Variants in HADHA observed in about 807,000 individuals in gnomAD.
HADHA encodes the protein hydroxyacyl-CoA dehydrogenase trifunctional multienzyme complex subunit alpha.
A neutral mutation model predicts 91.3 loss-of-function variants in HADHA; 59 were observed. That is an observed-to-expected ratio of 0.65 (90% CI 0.52 to 0.80). HADHA has a LOEUF of 0.80. Ranked by LOEUF, HADHA falls within the 30% of genes least tolerant of loss-of-function variation. The pLI is 0.00. For synonymous variants in HADHA, 320 were observed against 338.9 expected (o/e 0.94, Z 0.61); for missense variants, 800 against 927.6 (o/e 0.86, Z 1.79).
At chr2:26,223,224 G>A (rs1433187573) in intron 7 of HADHA, among the ~76,000 whole-genome samples, 6 of 152,174 alleles carry the variant, frequency 3.9e-5, no homozygotes, top group East Asian at 1.9e-4. Flanking sequence ...AGCAGAGGGC[G>A]GGTACTGTAC....
Position 26,215,153 on chromosome 2 carries a change from C to CTCTGGAGGTTT in HADHA, c.688_698dup (p.Glu234AsnfsTer8). The CTCTGGAGGTTT allele has an allele frequency of 6.2e-7, 1 of 1,611,952 alleles. No homozygotes were observed. Among genetic ancestry groups the CTCTGGAGGTTT allele is most frequent in the Non-Finnish European group, 8.5e-7 (1 of 1,178,076 alleles). On this transcript the variant is annotated frameshift_variant, in exon 8 of 20. Transcript: ENST00000380649. LOFTEE classifies it high-confidence loss of function. Reference sequence around the variant, plus strand: ...CTTCTAGGTATTCTATTGTCCGTTCCTCTGGAGGTTTTAGTCCTGGTCCTA... The same window carrying CTCTGGAGGTTT: ...CTTCTAGGTATTCTATTGTCCGTTCCTCTGGAGGTTTTCTGGAGGTTTTAGTCCTGGTCCTA...
At chr2:26,195,004 C>T (rs1669624314) in intron 15 of HADHA, 88 bp downstream of exon 15, 10 of 1,136,548 alleles carry the variant, frequency 8.8e-6, no homozygotes, top group Non-Finnish European at 1.3e-5. Flanking sequence ...GTCATTTGCC[C>T]CAGAATATTT....
intron 15 of HADHA, 113 bp from the exon 16 acceptor site, chr2:26,194,751 A>AGGTGACTT: frequency 1.3e-6 from 1 of 777,916 alleles, no homozygotes; most frequent in Non-Finnish European, 2.3e-6. Context: ...GTAAAACTTA[A>AGGTGACTT]GGTGACTTAA....
chr2:26,204,889 C>G (rs1223025625), intron 11 of HADHA, among the ~76,000 whole-genome samples: 3 of 149,892 alleles, frequency 2.0e-5, no homozygotes, highest in Admixed American at 6.6e-5. Flanking sequence ...TGTAATCTTT[C>G]ATTTCCCCCA....
At chr2:26,225,722 A>C (rs936521183) in intron 7 of HADHA, among the ~76,000 whole-genome samples, 2 of 152,216 alleles carry the variant, frequency 1.3e-5, no homozygotes, top group South Asian at 2.1e-4. Flanking sequence ...TAAAGAGCAC[A>C]TATGAAAAAC....
intron 7 of HADHA, among the ~76,000 whole-genome samples, chr2:26,216,576 C>T (rs920523956): frequency 6.6e-6 from 1 of 152,114 alleles, no homozygotes; most frequent in African/African-American, 2.4e-5. Flanking sequence ...CCACCTCGGC[C>T]TCCCAAAGTG....
At chr2:26,235,067 G>C (rs1163859185) in intron 4 of HADHA, 1 of 152,278 alleles carries the variant, frequency 6.6e-6, no homozygotes, top group Admixed American at 6.5e-5. Flanking sequence ...CCAGCACTTT[G>C]AGAGGCCAAG....
chr2:26,207,103 T>C (rs1257539817), intron 11 of HADHA, among the ~76,000 whole-genome samples: 1 of 151,936 alleles, frequency 6.6e-6, no homozygotes, highest in African/African-American at 2.4e-5. Flanking sequence ...GAGACAGAGG[T>C]GGGAAGACTG....
At chr2:26,235,020 C>T (rs1188956352) in intron 4 of HADHA, 3 of 152,124 alleles carry the variant, frequency 2.0e-5, no homozygotes, top group Non-Finnish European at 2.9e-5. Flanking sequence ...ATAAAAATGA[C>T]CAGGTAGGCC....
chr2:26,236,338 GA>G (rs1210090103), intron 4 of HADHA, among the ~76,000 whole-genome samples: 7 of 100,462 alleles, frequency 7.0e-5, no homozygotes, highest in Non-Finnish European at 1.6e-4. Flanking sequence ...TAGATCACAT[GA>G]TGTGTGTGTG....
Position 26,192,363 on chromosome 2 carries a change from A to T in HADHA, c.1947T>A (p.Asn649Lys), listed in dbSNP as rs777153382. ...YQEGVKRKDL[N>K]SDMDSILASL... is the part of the protein sequence containing the mutation. ...TCGCTAAAATACTATCCATGTCAGA[A>T]TTCAAATCCTTCCTCTTCACACCCT... is the stretch of plus-strand genomic sequence containing the variant. The change falls in exon 18 of 20, where the codon AAT (asparagine) becomes AAA (lysine). Residue 649 changes from asparagine (N) to lysine (K), a missense_variant. Transcript: ENST00000380649. 68 of 1,611,428 alleles carry T rather than the reference A, an allele frequency of 4.2e-5. No individual in the cohort carries two copies. In the East Asian group the frequency reaches 1.4e-3, roughly 34 times the overall value.
chr2:26,241,634 C>T (rs1212271993), intron 1 of HADHA, among the ~76,000 whole-genome samples: 1 of 151,520 alleles, frequency 6.6e-6, no homozygotes, highest in Admixed American at 6.6e-5. Context: ...CTGGGTGACA[C>T]AGTGAGACTC....
rs373966336 is a variant in HADHA, at chr2:26,193,633, C to T, written c.1829G>A (p.Arg610Gln). The T allele has an allele frequency of 6.2e-6, 10 of 1,613,970 alleles. No homozygotes were observed. The highest frequency in any genetic ancestry group is 1.6e-4 in the Middle Eastern group (1 of 6,080). ...CAGTTCTGGGTTTCCACCTCCAAACCGCTCCCCAAAGACTTTGCCCAGATC... is the reference window on the plus strand; with the variant it reads ...CAGTTCTGGGTTTCCACCTCCAAACTGCTCCCCAAAGACTTTGCCCAGATC... ...AEDLGKVFGERFGGGNPELLT... is the reference protein window; with the variant it reads ...AEDLGKVFGEQFGGGNPELLT... The change falls in exon 17 of 20, where the codon CGG (arginine) becomes CAG (glutamine). Residue 610 changes from arginine (R) to glutamine (Q), a missense_variant. Arg to Gln is a conservative substitution (Grantham distance 43). Transcript: ENST00000380649.
intron 12 of HADHA, among the ~76,000 whole-genome samples, chr2:26,203,807 A>T (rs1669911786): frequency 6.6e-6 from 1 of 152,248 alleles, no homozygotes; most frequent in Non-Finnish European, 1.5e-5. Flanking sequence ...CTGCATTCAA[A>T]GACTACAGAC....
chr2:26,242,943 G>C (rs1670938552), intron 1 of HADHA, among the ~76,000 whole-genome samples: 1 of 152,166 alleles, frequency 6.6e-6, no homozygotes, highest in Admixed American at 6.5e-5. Context: ...AGTAGAGACG[G>C]GGTTTCACCG....
chr2:26,228,467 C>G (rs1670535710), intron 7 of HADHA, among the ~76,000 whole-genome samples: 1 of 152,134 alleles, frequency 6.6e-6, no homozygotes, highest in South Asian at 2.1e-4. Flanking sequence ...ATGTTCATAG[C>G]AGCTTTATTC....
At position 26,234,346 on chromosome 2, in the gene HADHA, G is replaced by A. The variant is rs559608103; in HGVS notation, c.324C>T (p.Ala108=). The change falls in exon 5 of 20, where the codon GCC becomes GCT. Residue 108 remains alanine (A), a synonymous_variant. Transcript: ENST00000380649. ...FIAGADINML[A]ACKTLQEVTQ... is the part of the protein sequence containing the mutation. ...TTACTTCTTGAAGGGTCTTGCAAGC[G>A]GCTAACATGCTGCATTATCCATAAA... is the stretch of plus-strand genomic sequence containing the variant. 19 of 1,612,836 alleles carry A rather than the reference G, an allele frequency of 1.2e-5. No individual in the cohort carries two copies. The highest frequency in any genetic ancestry group is 2.7e-5 in the African/African-American group (2 of 74,962).
At chr2:26,220,939 G>A (rs149865990) in intron 7 of HADHA, among the ~76,000 whole-genome samples, 31 of 152,318 alleles carry the variant, frequency 2.0e-4, no homozygotes, top group African/African-American at 7.5e-4. Flanking sequence ...TCTGTCAGAA[G>A]GTGGGAAATA....
rs141392432 is a variant in HADHA at position 26,221,043 on chromosome 2, G to A, written c.677-5868C>T. On this transcript the variant is annotated intron_variant, in intron 7 of 19. Coordinates refer to ENST00000380649, the MANE Select transcript of HADHA (RefSeq NM_000182.5). The surrounding 1 kb of genome is among the most constrained non-coding windows in gnomAD (Gnocchi z 4.8). ...AAAGACATCCCTTCTATGGCAAAGG[G>A]TAAGTGTTGCACGTGGCCCCTCCTA... 1.4e-4 allele frequency among the ~76,000 whole-genome samples: 21 copies of A among 152,306 alleles called. No homozygotes were observed. The highest frequency in any genetic ancestry group is 4.6e-4 in the African/African-American group (19 of 41,552).
Sources: gnomAD v4.1 joint callset for allele counts (sites outside exome capture counted in the v4.1 genomes callset) on GRCh38, gnomAD v4.1.1 for gene constraint, Gnocchi (gnomAD v3.1) non-coding constraint, MANE v1.5 for transcripts, NCBI Gene and HGNC (gene_info 2026-07-23, HGNC 2026-07-21) for gene names.